Variants in BABAM2 observed in about 807,000 individuals in gnomAD.
The protein encoded by BABAM2 is BRISC and BRCA1 A complex member 2.
BABAM2 carries 31 observed loss-of-function variants against 54.7 expected under a neutral mutation model. That is an observed-to-expected ratio of 0.57 (90% CI 0.43 to 0.77). BABAM2 has a LOEUF of 0.77. BABAM2 is among the 30% of genes least tolerant of loss of function. The probability of loss-of-function intolerance (pLI) is 0.00; values close to 1 mark genes in which losing one functional copy is unlikely to be tolerated. For synonymous variants in BABAM2, 167 were observed against 162.9 expected (o/e 1.03, Z -0.19); for missense variants, 364 against 455.8 (o/e 0.80, Z 1.83).
intron 7 of BABAM2, among the ~76,000 whole-genome samples, chr2:28,175,806 A>G (rs75450245): frequency 2.0e-5 from 3 of 152,190 alleles, no homozygotes; most frequent in South Asian, 4.1e-4. Context: ...ACTAATGCCA[A>G]TGCACTCATA....
chr2:28,024,941 G>A (rs1573415682), intron 4 of BABAM2, among the ~76,000 whole-genome samples: 1 of 152,208 alleles, frequency 6.6e-6, no homozygotes, highest in Admixed American at 6.5e-5. Context: ...AGGATATTTA[G>A]GTTTCTTGTT....
At chr2:28,005,003 C>T (rs1673856099) in intron 4 of BABAM2, among the ~76,000 whole-genome samples, 1 of 152,112 alleles carries the variant, frequency 6.6e-6, no homozygotes, top group Non-Finnish European at 1.5e-5. Flanking sequence ...ATTTAATGTA[C>T]TAGTTAACCA....
intron 7 of BABAM2, among the ~76,000 whole-genome samples, chr2:28,235,064 A>G (rs1681772727): frequency 6.6e-6 from 1 of 152,266 alleles, no homozygotes. Flanking sequence ...TTTAGGTAAC[A>G]TCTGAGTAGA....
chr2:27,939,086 G>C (rs1668691291), intron 3 of BABAM2, among the ~76,000 whole-genome samples: 1 of 152,046 alleles, frequency 6.6e-6, no homozygotes, highest in Non-Finnish European at 1.5e-5. Context: ...CTGAGTAGCT[G>C]GGACTACAGG....
intron 5 of BABAM2, among the ~76,000 whole-genome samples, chr2:28,039,152 C>G (rs1354220323): frequency 3.9e-5 from 6 of 152,202 alleles, no homozygotes; most frequent in African/African-American, 1.4e-4. Flanking sequence ...GAGTGCCTGA[C>G]ACATTTTAGG....
At chr2:28,051,130 C>T (rs953701320) in intron 6 of BABAM2, among the ~76,000 whole-genome samples, 1 of 152,152 alleles carries the variant, frequency 6.6e-6, no homozygotes, top group Admixed American at 6.5e-5. Context: ...TCTCCTGTAA[C>T]GTTTCTCAAA....
intron 7 of BABAM2, among the ~76,000 whole-genome samples, chr2:28,152,912 A>C (rs1305341150): frequency 1.3e-5 from 2 of 152,168 alleles, no homozygotes; most frequent in Non-Finnish European, 2.9e-5. Context: ...CCAGTGGTTC[A>C]GTCTTTAATT....
At chr2:28,242,108 AG>A (rs1182384041) in intron 9 of BABAM2, among the ~76,000 whole-genome samples, 1 of 152,170 alleles carries the variant, frequency 6.6e-6, no homozygotes, top group Non-Finnish European at 1.5e-5. Flanking sequence ...CGGTAAGTTC[AG>A]TAACCCAATG....
chr2:27,932,550 G>A (rs1325437227), intron 3 of BABAM2, among the ~76,000 whole-genome samples: 1 of 152,154 alleles, frequency 6.6e-6, no homozygotes, highest in Non-Finnish European at 1.5e-5. Context: ...GGAATGTGTG[G>A]ATGAATGATG....
chr2:28,149,576 G>A (rs1348808546), intron 7 of BABAM2, among the ~76,000 whole-genome samples: 1 of 152,158 alleles, frequency 6.6e-6, no homozygotes, highest in African/African-American at 2.4e-5. Context: ...CACATCCACT[G>A]GCAGCAGATC....
intron 6 of BABAM2, among the ~76,000 whole-genome samples, chr2:28,095,073 A>G (rs985258480): frequency 6.6e-6 from 1 of 152,044 alleles, no homozygotes; most frequent in Non-Finnish European, 1.5e-5. Context: ...CTGTATGCTG[A>G]TATTATTTAT....
At chr2:27,945,292 G>A (rs918736974) in intron 3 of BABAM2, among the ~76,000 whole-genome samples, 4 of 152,016 alleles carry the variant, frequency 2.6e-5, no homozygotes, top group African/African-American at 9.7e-5. Flanking sequence ...GCCTCCCAAG[G>A]TGCTGAGATT....
intron 6 of BABAM2, among the ~76,000 whole-genome samples, chr2:28,061,361 A>AG (rs1272000911): frequency 7.2e-5 from 11 of 151,752 alleles, no homozygotes; most frequent in Admixed American, 7.2e-4. Flanking sequence ...CGAGGCGGGC[A>AG]GATCACGAGG....
upstream of BABAM2, chr2:27,890,003 G>C: frequency 2.6e-6 from 1 of 386,696 alleles, no homozygotes; most frequent in Non-Finnish European, 4.7e-6. The surrounding 1 kb of genome is among the most constrained non-coding windows in gnomAD (Gnocchi z 4.8). Context: ...GGTCTTTGGG[G>C]AGCGCTTTGA....
intron 2 of BABAM2, among the ~76,000 whole-genome samples, chr2:27,902,482 C>T (rs1558573537): frequency 6.6e-6 from 1 of 152,082 alleles, no homozygotes; most frequent in Non-Finnish European, 1.5e-5. Flanking sequence ...TAGATATTGC[C>T]AGATTGAATC....
intron 7 of BABAM2, among the ~76,000 whole-genome samples, chr2:28,167,655 C>T (rs898127678): frequency 2.6e-5 from 4 of 151,044 alleles, no homozygotes; most frequent in African/African-American, 9.7e-5. Context: ...GATCACGCCA[C>T]TACACTCCAG....
At chr2:28,299,688 C>G (rs1271910713) in intron 11 of BABAM2, among the ~76,000 whole-genome samples, 1 of 152,094 alleles carries the variant, frequency 6.6e-6, no homozygotes, top group African/African-American at 2.4e-5. Context: ...TATAGCCCAG[C>G]AAAGAAGATA....
intron 2 of BABAM2, 89 bp downstream of exon 2, chr2:27,894,773 T>C: frequency 6.6e-7 from 1 of 1,506,604 alleles, no homozygotes. Context: ...TCATAAAAAT[T>C]GACTGCCACA....
intron 11 of BABAM2, chr2:28,327,148 C>T (rs1413885735): frequency 2.3e-5 from 22 of 975,182 alleles, no homozygotes; most frequent in Admixed American, 5.0e-5. Context: ...CTGTGATGAA[C>T]GCCAGAGAAA....
Sources: gnomAD v4.1 joint callset for allele counts (sites outside exome capture counted in the v4.1 genomes callset) on GRCh38, gnomAD v4.1.1 for gene constraint, Gnocchi (gnomAD v3.1) non-coding constraint, MANE v1.5 for transcripts, NCBI Gene and HGNC (gene_info 2026-07-23, HGNC 2026-07-21) for gene names.